The following EEF2K variants were observed in gnomAD, a reference collection of about 807,000 sequenced individuals.
EEF2K encodes alternative protein EEF2K.
EEF2K carries 70 observed loss-of-function variants against 93.8 expected under a neutral mutation model. The ratio of observed to expected loss-of-function variants is 0.75; its 90% CI spans 0.62 to 0.91. EEF2K has a LOEUF of 0.91. EEF2K is among the 40% of genes least tolerant of loss of function. The pLI is 0.00. For missense variants in EEF2K, 935 were observed against 972.9 expected (o/e 0.96, Z 0.52); for synonymous variants, 376 against 380.8 (o/e 0.99, Z 0.15).
chr16:22,257,456 A>G (rs2047414350), intron 8 of EEF2K, 71 bp downstream of exon 8: 4 of 1,583,684 alleles, frequency 2.5e-6, no homozygotes, highest in East Asian at 2.2e-5. Context: ...TTCTTCGTAC[A>G]GCCAAGGAAA....
In EEF2K at chr16:22,237,974, TC is replaced by T. The variant is rs1362888662; in HGVS notation, c.247-6650del. On this transcript the variant is annotated intron_variant, in intron 2 of 17. Transcript: ENST00000263026. ...TGTATTGTTCTGTAACTTGCTTTTTTCCCCCCTAAACAATAGGTCTTAGAAA... is the reference window on the plus strand; with the variant it reads ...TGTATTGTTCTGTAACTTGCTTTTTTCCCCCTAAACAATAGGTCTTAGAAA... Among the ~76,000 whole-genome samples the T allele has an allele frequency of 3.3e-5, 5 of 152,138 alleles. No homozygotes were observed. In the East Asian group the frequency reaches 7.7e-4, roughly 24 times the overall value.
In EEF2K at chr16:22,251,315, C is replaced by T. The variant is rs1262080427; in HGVS notation, c.611C>T (p.Pro204Leu). ...GAGGAGTATAATCGGCACAAGCCCC[C>T]CAAGCAGGTGCGTGGCCCCACTACC... ...WGEEYNRHKP[P>L]KQVDIMQMCI... The change falls in exon 6 of 18, where the codon CCC becomes CTC. Residue 204 changes from proline (P) to leucine (L), a missense_variant. By Grantham distance (98) the Pro-to-Leu change is moderately conservative. Coordinates refer to ENST00000263026, the MANE Select transcript of EEF2K (RefSeq NM_013302.5). 2 of 1,613,962 alleles carry T rather than the reference C, an allele frequency of 1.2e-6. No individual in the cohort carries two copies. The highest frequency in any genetic ancestry group is 1.1e-5 in the South Asian group (1 of 91,062).
At chr16:22,238,595 A>G (rs541187809) in intron 2 of EEF2K, among the ~76,000 whole-genome samples, 3 of 149,332 alleles carry the variant, frequency 2.0e-5, no homozygotes, top group African/African-American at 4.9e-5. Context: ...TCAGTGAGCT[A>G]TGATCCCACC....
chr16:22,265,055 AGGATGCTGGG>A, intron 13 of EEF2K, 175 bp downstream of exon 13: 1 of 658,042 alleles, frequency 1.5e-6, no homozygotes, highest in Non-Finnish European at 2.6e-6. Flanking sequence ...TCTGCAGGGC[AGGATGCTGGG>A]GGATTTGTGG....
At chr16:22,255,277 G>A (rs59700704) in intron 6 of EEF2K, among the ~76,000 whole-genome samples, 2,260 of 152,296 alleles carry the variant, frequency 0.015, 50 homozygotes, top group African/African-American at 0.051. Context: ...GTGTGGACAC[G>A]AAATGGTTTC....
At chr16:22,257,587 C>A in intron 8 of EEF2K, 56 bp from the exon 9 acceptor site, 3 of 1,595,632 alleles carry the variant, frequency 1.9e-6, no homozygotes, top group Non-Finnish European at 2.6e-6. Context: ...CCCACCACTG[C>A]CTGTCCCCCG....
intron 2 of EEF2K, among the ~76,000 whole-genome samples, chr16:22,244,128 C>G (rs1440605116): frequency 6.6e-6 from 1 of 151,644 alleles, no homozygotes; most frequent in African/African-American, 2.4e-5. Context: ...ACTTGGGAGG[C>G]TGAGGCATGA....
At chr16:22,222,345 A>G (rs2047022076) in intron 1 of EEF2K, among the ~76,000 whole-genome samples, 2 of 151,768 alleles carry the variant, frequency 1.3e-5, no homozygotes, top group Admixed American at 1.3e-4. Flanking sequence ...AGCTGGGACT[A>G]CAGGCACGCA....
At chr16:22,249,038 C>T (rs966918918) in intron 4 of EEF2K, among the ~76,000 whole-genome samples, 4 of 148,936 alleles carry the variant, frequency 2.7e-5, no homozygotes, top group African/African-American at 1.0e-4. Context: ...GGCACAGTCA[C>T]AGCTCACTGC....
chr16:22,254,188 T>G (rs1024925489), intron 6 of EEF2K, among the ~76,000 whole-genome samples: 1 of 152,112 alleles, frequency 6.6e-6, no homozygotes, highest in Non-Finnish European at 1.5e-5. Flanking sequence ...ACGTGGTTGT[T>G]TGAGAAGGTG....
In EEF2K at chr16:22,206,520, G is replaced by A. The variant is rs529603384; in HGVS notation, c.-236G>A. ...CTACCCCGCGTGGCCCCAGCTGCTT[G>A]CCCGGAGCGCCAGCTAGCGCTCCCC... On this transcript the variant is annotated 5_prime_UTR_variant, in exon 1 of 18. Coordinates refer to ENST00000263026, the MANE Select transcript of EEF2K (RefSeq NM_013302.5). 2.7e-4 allele frequency: 41 copies of A among 152,228 alleles called. 1 individual carries two copies. Among genetic ancestry groups the A allele is most frequent in the Admixed American group, 2.6e-3 (40 of 15,274 alleles). 9.4% of individuals were successfully genotyped at this position (152,228 alleles called of 1,614,324 possible). A position where few individuals can be genotyped will look rare whatever the true frequency, so the allele number is the denominator to read the frequency against.
chr16:22,210,181 A>G (rs1425017002), intron 1 of EEF2K, among the ~76,000 whole-genome samples: 3 of 152,140 alleles, frequency 2.0e-5, no homozygotes, highest in Non-Finnish European at 2.9e-5. Flanking sequence ...CAACCCCCAA[A>G]GTCCCAGGGC....
At position 22,257,330 on chromosome 16, in the gene EEF2K, C is replaced by A. The variant is rs1391931870; in HGVS notation, c.846C>A (p.Tyr282Ter). The change falls in exon 8 of 18, where the codon TAC becomes TAA. Residue 282 changes from tyrosine to a stop codon, truncating the protein, a stop_gained. Coordinates refer to ENST00000263026, the MANE Select transcript of EEF2K (RefSeq NM_013302.5). LOFTEE classifies it high-confidence loss of function. ...ACATCCAGGGAGTTGGGGATCTCTA[C>A]ACTGACCCACAGATCCACACGGAGA... is the stretch of plus-strand genomic sequence containing the variant. ...VVDIQGVGDL[Y>*]TDPQIHTETG... The A allele has an allele frequency of 6.2e-7, 1 of 1,612,476 alleles. No individual in the cohort carries two copies.
chr16:22,288,271 A>G lies in EEF2K; in HGVS notation c.*4275A>G. On this transcript the variant is annotated 3_prime_UTR_variant, in exon 18 of 18. Coordinates refer to ENST00000263026, the MANE Select transcript of EEF2K (RefSeq NM_013302.5). Reference sequence around the variant, plus strand: ...CTCCCAAAGTGCTGGGATTACAGGCATGAGCCACCGTGCCAAGCCACGCCT... The same window carrying G: ...CTCCCAAAGTGCTGGGATTACAGGCGTGAGCCACCGTGCCAAGCCACGCCT... 1 of 152,222 alleles carries G rather than the reference A, an allele frequency of 6.6e-6. No homozygotes were observed. The highest frequency in any genetic ancestry group is 1.5e-5 in the Non-Finnish European group (1 of 68,038). The allele number at this position is 152,222 out of a possible 1,614,324, so 9.4% of individuals were successfully genotyped here. A position where few individuals can be genotyped will look rare whatever the true frequency, so the allele number is the denominator to read the frequency against.
At chr16:22,273,951 G>C (rs2047609887) in intron 16 of EEF2K, among the ~76,000 whole-genome samples, 1 of 152,166 alleles carries the variant, frequency 6.6e-6, no homozygotes, top group Non-Finnish European at 1.5e-5. Flanking sequence ...TGTATCCTGG[G>C]GTTGTCCCAT....
In EEF2K at chr16:22,283,973, G is replaced by T. The variant is rs772711075; in HGVS notation, c.2155G>T (p.Ala719Ser). The change falls in exon 18 of 18, where the codon GCC (alanine) becomes TCC (serine). Residue 719 changes from alanine to serine, a missense_variant. Transcript: ENST00000263026. ...ANQYYQKAEE[A>S]WAQMEE ...CCAGTACTACCAAAAGGCTGAAGAG[G>T]CCTGGGCCCAGATGGAGGAGTAACC... 17 of 1,586,084 alleles carry T rather than the reference G, an allele frequency of 1.1e-5. No homozygotes were observed. The South Asian group carries it at 1.6e-4, about 15-fold the overall frequency.
intron 15 of EEF2K, among the ~76,000 whole-genome samples, chr16:22,268,167 T>C (rs574700433): frequency 1.3e-5 from 2 of 152,228 alleles, no homozygotes; most frequent in South Asian, 2.1e-4. Flanking sequence ...TAAAAACTTA[T>C]TTATTTATTG....
In EEF2K at chr16:22,221,476, T is replaced by TA. The variant is rs57921163; in HGVS notation, c.-76-4166dup. Among the ~76,000 whole-genome samples the TA allele has an allele frequency of 5.7e-4, 83 of 144,778 alleles. 1 individual carries two copies. Among genetic ancestry groups the TA allele is most frequent in the East Asian group, 4.6e-3 (23 of 5,036 alleles). 95.0% of individuals were successfully genotyped at this position (144,778 alleles called of 152,430 possible). A position where few individuals can be genotyped will look rare whatever the true frequency, so the allele number is the denominator to read the frequency against. On this transcript the variant is annotated intron_variant, in intron 1 of 17. Coordinates refer to ENST00000263026, the MANE Select transcript of EEF2K (RefSeq NM_013302.5). The stretch of plus-strand genomic sequence containing the variant: ...GCAACCTGTCTCTAAAAATAACATT[T>TA]AAAAAAAAAAAATAGCAAGAGCGCA...
In EEF2K at chr16:22,266,821, T is replaced by C; in HGVS notation, c.1709T>C (p.Leu570Pro). The change falls in exon 15 of 18, where the codon CTG becomes CCG. Residue 570 changes from leucine to proline, a missense_variant. Physicochemically the swap from Leu to Pro is moderately conservative, Grantham distance 98. Transcript: ENST00000263026. ...NLGELEAIVG[L>P]GLMYSQLPHH... ...GGCGAGCTGGAGGCCATCGTGGGCC[T>C]GGGACTCATGTACTCGCAGTTGCCT... The C allele has an allele frequency of 6.2e-7, 1 of 1,614,098 alleles. No individual in the cohort carries two copies. Among genetic ancestry groups the C allele is most frequent in the Non-Finnish European group, 8.5e-7 (1 of 1,179,992 alleles).
Sources: allele counts gnomAD v4.1 joint callset (sites outside exome capture counted in the v4.1 genomes callset), GRCh38; gene constraint gnomAD v4.1.1; transcripts MANE v1.5; gene names NCBI Gene and HGNC (gene_info 2026-07-23, HGNC 2026-07-21).